The following PCBP3 variants were observed in gnomAD, a reference collection of about 807,000 sequenced individuals.
The protein encoded by PCBP3 is poly(rC)-binding protein 3.
In PCBP3, 25 loss-of-function variants were observed where a neutral mutation model predicts 52.7. The observed-to-expected ratio is 0.47, with a 90% CI of 0.35 to 0.66. The LOEUF (loss-of-function observed/expected upper bound fraction) is 0.66. Ranked by LOEUF, PCBP3 falls within the 30% of genes least tolerant of loss-of-function variation. The pLI, the probability that PCBP3 is intolerant of heterozygous loss-of-function variation, is 0.01. For missense variants in PCBP3, 391 were observed against 490.3 expected, an observed-to-expected ratio of 0.80 and a Z score of 1.91; for synonymous variants, 162 against 183.0, an observed-to-expected ratio of 0.89 and a Z score of 0.93.
chr21:45,651,299 AT>A (rs974252249), intron 1 of PCBP3, among the ~76,000 whole-genome samples: 1 of 152,176 alleles, frequency 6.6e-6, no homozygotes, highest in Non-Finnish European at 1.5e-5. Flanking sequence ...CCAGCTTATT[AT>A]TTATTTTCTT....
chr21:45,937,335 A>T (rs2076990747), intron 16 of PCBP3, among the ~76,000 whole-genome samples: 1 of 152,068 alleles, frequency 6.6e-6, no homozygotes, highest in South Asian at 2.1e-4. Context: ...GGCCTCCCTC[A>T]CCACCTATTT....
intron 15 of PCBP3, 118 bp from the exon 16 acceptor site, chr21:45,935,135 C>T (rs1251612349): frequency 2.9e-6 from 2 of 697,894 alleles, no homozygotes; most frequent in Non-Finnish European, 5.1e-6. Flanking sequence ...CTGACCCTCA[C>T]ACTTGGGCCA....
intron 4 of PCBP3, among the ~76,000 whole-genome samples, chr21:45,757,899 T>G (rs1008056426): frequency 6.6e-6 from 1 of 152,092 alleles, no homozygotes; most frequent in African/African-American, 2.4e-5. Context: ...TCTTTTTTTT[T>G]TTTTTGAGAC....
chr21:45,648,256 T>G (rs57990579), intron 1 of PCBP3, among the ~76,000 whole-genome samples: 35,402 of 152,140 alleles, frequency 0.23, 4,908 homozygotes, highest in African/African-American at 0.38. Context: ...AAAAACTGGG[T>G]CTCTTCATTT....
chr21:45,682,147 C>A (rs2081892934), intron 2 of PCBP3, among the ~76,000 whole-genome samples: 1 of 152,108 alleles, frequency 6.6e-6, no homozygotes, highest in Non-Finnish European at 1.5e-5. Flanking sequence ...GCTAGGCTGT[C>A]CCTTTTCTGG....
In PCBP3 at chr21:45,909,522, C is replaced by T. The variant is rs1439514761; in HGVS notation, c.471+36C>T. ...CTTCCCAGCCTGGGCCGCTGCGGAG[C>T]CTCTAGGCGGGCTGCGGGTGGTGGC... On this transcript the variant is annotated intron_variant, in intron 10 of 17. Coordinates refer to ENST00000681687, the MANE Select transcript of PCBP3 (RefSeq NM_001384156.1). 1.9e-6 allele frequency: 3 copies of T among 1,603,062 alleles called. No homozygotes were observed. The East Asian group carries it at 6.7e-5, about 36-fold the overall frequency.
At chr21:45,920,712 C>T (rs984254490) in intron 13 of PCBP3, among the ~76,000 whole-genome samples, 1 of 152,196 alleles carries the variant, frequency 6.6e-6, no homozygotes, top group African/African-American at 2.4e-5. Context: ...ATAACAGAAG[C>T]TTCAGAGAGT....
intron 1 of PCBP3, among the ~76,000 whole-genome samples, chr21:45,645,428 T>C (rs1424193323): frequency 6.6e-6 from 1 of 152,224 alleles, no homozygotes; most frequent in Non-Finnish European, 1.5e-5. Context: ...CAGGGCTTTT[T>C]GGCTGGCGTT....
intron 5 of PCBP3, among the ~76,000 whole-genome samples, chr21:45,852,823 C>T (rs191796151): frequency 2.6e-5 from 4 of 152,290 alleles, no homozygotes; most frequent in Admixed American, 2.6e-4. Context: ...CCTCTGACTT[C>T]TGGAAATAGA....
At chr21:45,846,159 C>T (rs903618388) in intron 4 of PCBP3, among the ~76,000 whole-genome samples, 1 of 152,164 alleles carries the variant, frequency 6.6e-6, no homozygotes, top group Non-Finnish European at 1.5e-5. Context: ...GTCACTCTCT[C>T]GATGTCTGGT....
At chr21:45,747,419 C>T (rs1466006619) in intron 3 of PCBP3, among the ~76,000 whole-genome samples, 2 of 152,218 alleles carry the variant, frequency 1.3e-5, no homozygotes, top group African/African-American at 2.4e-5. Flanking sequence ...AGCACCAGGC[C>T]GCGGGGTGAG....
chr21:45,866,019 C>A (rs2094710243), intron 5 of PCBP3, among the ~76,000 whole-genome samples: 1 of 152,220 alleles, frequency 6.6e-6, no homozygotes, highest in Non-Finnish European at 1.5e-5. Context: ...GCCTGTCCTG[C>A]CGCACTCCAG....
chr21:45,658,510 G>T (rs1312985521), intron 1 of PCBP3, among the ~76,000 whole-genome samples: 1 of 152,144 alleles, frequency 6.6e-6, no homozygotes, highest in Non-Finnish European at 1.5e-5. Flanking sequence ...TACCATGTTG[G>T]CCAGGCTGGT....
intron 15 of PCBP3, 148 bp from the exon 16 acceptor site, chr21:45,935,105 T>C: frequency 1.6e-6 from 1 of 610,108 alleles, no homozygotes; most frequent in Non-Finnish European, 3.0e-6. Context: ...GCTCACAGGG[T>C]CCTGGCCCTC....
rs1673488592 is a variant in PCBP3 at position 45,830,006 on chromosome 21, T to C, written c.-125-19955T>C. ...GATCGCTGTGGTCTCCACCTTAGTT[T>C]GGGGCCTGCCTGCTCAGCAGGGTAG... On this transcript the variant is annotated intron_variant, in intron 4 of 17. Coordinates refer to ENST00000681687, the MANE Select transcript of PCBP3 (RefSeq NM_001384156.1). The surrounding 1 kb of genome is among the most constrained non-coding windows in gnomAD (Gnocchi z 4.4). 6.5e-6 allele frequency: 1 copy of C among 152,710 alleles called. No homozygotes were observed. Among genetic ancestry groups the C allele is most frequent in the African/African-American group, 2.4e-5 (1 of 41,442 alleles). The allele number at this position is 152,710 out of a possible 1,614,324, so 9.5% of individuals were successfully genotyped here.
intron 5 of PCBP3, chr21:45,894,103 C>T: frequency 1.1e-6 from 1 of 912,004 alleles, no homozygotes; most frequent in Non-Finnish European, 1.3e-6. Context: ...GAGCTGCTGA[C>T]TGGAGCAGGG....
At position 45,737,789 on chromosome 21, in the gene PCBP3, A is replaced by T. The variant is rs2145912113; in HGVS notation, c.-162+2360A>T. 6.6e-6 allele frequency among the ~76,000 whole-genome samples: 1 copy of T among 152,346 alleles called. No homozygotes were observed. Among genetic ancestry groups the T allele is most frequent in the African/African-American group, 2.4e-5 (1 of 41,576 alleles). ...CCATGAGCACTGAGCTGGTTGGAACAGAAGGGCTCTCCTCTCGTGGGCTGT... is the reference window on the plus strand; with the variant it reads ...CCATGAGCACTGAGCTGGTTGGAACTGAAGGGCTCTCCTCTCGTGGGCTGT... On this transcript the variant is annotated intron_variant, in intron 3 of 17. Coordinates refer to ENST00000681687, the MANE Select transcript of PCBP3 (RefSeq NM_001384156.1). This position sits in a 1 kb window ranked among gnomAD's most constrained non-coding sequence, Gnocchi z 4.9.
At chr21:45,789,040 C>G (rs538041854) in intron 4 of PCBP3, among the ~76,000 whole-genome samples, 2 of 152,350 alleles carry the variant, frequency 1.3e-5, no homozygotes, top group South Asian at 4.1e-4. Context: ...GCTTAGAACA[C>G]AGTGAGTGCA....
intron 9 of PCBP3, among the ~76,000 whole-genome samples, chr21:45,901,759 A>AAAGAGAGAGG (rs1410896531): frequency 2.1e-5 from 3 of 141,304 alleles, no homozygotes; most frequent in South Asian, 2.1e-4. Flanking sequence ...AGAGAGACAG[A>AAAGAGAGAGG]GACAGAGAGA....
Sources: gnomAD v4.1 joint callset for allele counts (sites outside exome capture counted in the v4.1 genomes callset) on GRCh38, gnomAD v4.1.1 for gene constraint, Gnocchi (gnomAD v3.1) non-coding constraint, MANE v1.5 for transcripts, NCBI Gene and HGNC (gene_info 2026-07-23, HGNC 2026-07-21) for gene names.